FRY: variants seen among roughly 807,000 people sequenced by gnomAD.
FRY encodes protein furry homolog.
A neutral mutation model predicts 348.4 loss-of-function variants in FRY; 128 were observed. That is an observed-to-expected ratio of 0.37 (90% CI 0.32 to 0.43). The LOEUF (loss-of-function observed/expected upper bound fraction) is 0.43, where lower values mean the gene tolerates loss of function less well. FRY is among the 20% of genes least tolerant of loss of function. The probability of loss-of-function intolerance (pLI) is 1.00; values close to 1 mark genes in which losing one functional copy is unlikely to be tolerated. For synonymous variants in FRY, 1,370 were observed against 1,374.7 expected, an observed-to-expected ratio of 1.00 and a Z score of 0.08; for missense variants, 2,736 against 3,695.2, an observed-to-expected ratio of 0.74 and a Z score of 6.73.
chr13:32,176,089 A>G (rs1004161792), intron 20 of FRY, among the ~76,000 whole-genome samples: 1 of 152,218 alleles, frequency 6.6e-6, no homozygotes, highest in Admixed American at 6.5e-5. Context: ...ACACAAAAGG[A>G]GAGTTTTAAA....
At position 32,064,760 on chromosome 13, in the gene FRY, G is replaced by T. The variant is rs546233990; in HGVS notation, c.71-14074G>T. ...TAAAAATCTTCCAAGCTGTCTTTTT[G>T]AATCTATCTTCATATTCTCCACAGA... is the stretch of plus-strand genomic sequence containing the variant. On this transcript the variant is annotated intron_variant, in intron 1 of 60. Transcript: ENST00000542859. Among the ~76,000 whole-genome samples the T allele has an allele frequency of 1.5e-4, 23 of 152,266 alleles. No homozygotes were observed. The South Asian group carries it at 4.1e-3, about 27-fold the overall frequency.
intron 1 of FRY, among the ~76,000 whole-genome samples, chr13:32,051,489 C>T (rs769309184): frequency 6.6e-6 from 1 of 152,266 alleles, no homozygotes; most frequent in South Asian, 2.1e-4. Flanking sequence ...TTCCCCAGCA[C>T]CCGAATTACT....
chr13:32,292,889 C>T (rs908111038), intron 59 of FRY, among the ~76,000 whole-genome samples: 12 of 152,068 alleles, frequency 7.9e-5, no homozygotes, highest in African/African-American at 2.9e-4. Context: ...CTTCAGCCAC[C>T]ACCATCCTGA....
In FRY at chr13:32,239,399, C is replaced by T. The variant is rs373792538; in HGVS notation, c.6516+50C>T. The T allele has an allele frequency of 1.1e-4, 121 of 1,118,088 alleles. No individual in the cohort carries two copies. Among genetic ancestry groups the T allele is most frequent in the Non-Finnish European group, 1.3e-4 (98 of 726,892 alleles). The allele number at this position is 1,118,088 out of a possible 1,614,324, so 69.3% of individuals were successfully genotyped here. ...GGCAGATCCATAGAGGCCTTCAGGA[C>T]GCCCTAGTGTCAGGCAAATTACAAG... On this transcript the variant is annotated intron_variant, in intron 45 of 60. Transcript: ENST00000542859. The surrounding 1 kb of genome is among the most constrained non-coding windows in gnomAD (Gnocchi z 4.3).
rs763028454 is a variant in FRY at position 32,124,778 on chromosome 13, A to G, written c.636-17A>G. The G allele has an allele frequency of 7.5e-6, 12 of 1,593,436 alleles. No individual in the cohort carries two copies. The Admixed American group carries it at 1.2e-4, about 15-fold the overall frequency. On this transcript the variant is annotated splice_polypyrimidine_tract_variant and intron_variant, in intron 6 of 60. Transcript: ENST00000542859. ...ATGACCAGGGATCCCTAACTTGTCTAATTATACCCTACTTAGGTACCTTGG... is the reference window on the plus strand; with the variant it reads ...ATGACCAGGGATCCCTAACTTGTCTGATTATACCCTACTTAGGTACCTTGG...
intron 8 of FRY, among the ~76,000 whole-genome samples, chr13:32,133,764 C>CTTTTTTTTTTTTT (rs1259372646): frequency 8.7e-4 from 94 of 108,434 alleles, no homozygotes; most frequent in Non-Finnish European, 1.4e-3. Flanking sequence ...TTCTTTCTTT[C>CTTTTTTTTTTTTT]TTTCTTTTTT....
At chr13:32,153,022 T>C (rs1279855281) in intron 14 of FRY, among the ~76,000 whole-genome samples, 2 of 152,128 alleles carry the variant, frequency 1.3e-5, no homozygotes, top group Non-Finnish European at 2.9e-5. Flanking sequence ...CATTAGTCAT[T>C]AAGGAAATTC....
At chr13:32,045,832 A>T (rs1317860743) in intron 1 of FRY, among the ~76,000 whole-genome samples, 1 of 152,234 alleles carries the variant, frequency 6.6e-6, no homozygotes, top group African/African-American at 2.4e-5. Context: ...CTATATTTTT[A>T]TGCTGGCGAG....
chr13:32,071,243 G>T (rs1294685190), intron 1 of FRY, among the ~76,000 whole-genome samples: 3 of 152,088 alleles, frequency 2.0e-5, no homozygotes, highest in African/African-American at 7.2e-5. Context: ...TTCCAATTCT[G>T]TGAGGAAACT....
chr13:32,245,266 G>A (rs549559988), intron 47 of FRY, among the ~76,000 whole-genome samples: 7 of 151,770 alleles, frequency 4.6e-5, no homozygotes, highest in African/African-American at 1.2e-4. Context: ...TCTTAAAGCC[G>A]TACTCTGAGA....
intron 29 of FRY, 92 bp downstream of exon 29, chr13:32,194,389 G>A: frequency 1.8e-6 from 2 of 1,121,938 alleles, no homozygotes; most frequent in Non-Finnish European, 2.7e-6. Flanking sequence ...GCAACTATAT[G>A]AGCAAAGTAA....
chr13:32,060,953 G>A, intron 1 of FRY: 1 of 381,830 alleles, frequency 2.6e-6, no homozygotes, highest in Non-Finnish European at 5.4e-6. Context: ...TACACCTGGG[G>A]CCAAAAATAT....
At chr13:32,145,596 C>T (rs1231334392) in intron 11 of FRY, among the ~76,000 whole-genome samples, 1 of 142,232 alleles carries the variant, frequency 7.0e-6, no homozygotes, top group African/African-American at 2.7e-5. Context: ...GGACTGCGGA[C>T]TGCAGTGGTG....
chr13:32,255,036 T>C (rs954315821), intron 51 of FRY, among the ~76,000 whole-genome samples: 4 of 152,202 alleles, frequency 2.6e-5, no homozygotes, highest in African/African-American at 2.4e-5. Flanking sequence ...CTTTCAGCTA[T>C]GAATCATGTT....
chr13:32,185,596 A>C (rs1304683072), intron 26 of FRY, among the ~76,000 whole-genome samples: 1 of 152,204 alleles, frequency 6.6e-6, no homozygotes, highest in East Asian at 1.9e-4. Flanking sequence ...CATTTGATTA[A>C]ATATTACATT....
intron 11 of FRY, among the ~76,000 whole-genome samples, chr13:32,145,589 C>A (rs1333573022): frequency 7.1e-6 from 1 of 140,112 alleles, no homozygotes; most frequent in African/African-American, 2.8e-5. Flanking sequence ...CCAGGCCGGA[C>A]TGCGGACTGC....
intron 3 of FRY, among the ~76,000 whole-genome samples, chr13:32,108,549 T>G (rs1312577617): frequency 2.6e-5 from 4 of 152,212 alleles, no homozygotes; most frequent in African/African-American, 9.6e-5. Flanking sequence ...ATTAAACATT[T>G]TATTTAACTT....
intron 1 of FRY, among the ~76,000 whole-genome samples, chr13:32,035,801 G>T (rs1475891892): frequency 1.3e-5 from 2 of 152,212 alleles, no homozygotes; most frequent in Non-Finnish European, 2.9e-5. Flanking sequence ...CAAATGAACT[G>T]CTCTGGGGAA....
intron 31 of FRY, among the ~76,000 whole-genome samples, chr13:32,205,774 C>T (rs1884317933): frequency 6.6e-6 from 1 of 151,838 alleles, no homozygotes. Flanking sequence ...TTTTAAAAGC[C>T]TGGTTGCAGT....
Sources: allele counts gnomAD v4.1 joint callset (sites outside exome capture counted in the v4.1 genomes callset), GRCh38; gene constraint gnomAD v4.1.1; non-coding constraint Gnocchi (gnomAD v3.1); transcripts MANE v1.5; gene names NCBI Gene and HGNC (gene_info 2026-07-23, HGNC 2026-07-21).